The following DOK7 variants were observed in gnomAD, a reference collection of about 807,000 sequenced individuals.
DOK7 encodes docking protein 7.
A neutral mutation model predicts 30.7 loss-of-function variants in DOK7; 32 were observed. The ratio of observed to expected loss-of-function variants is 1.04; its 90% CI spans 0.79 to 1.40. The LOEUF (loss-of-function observed/expected upper bound fraction) is 1.40. Ranked by LOEUF, DOK7 falls within the 40% of genes most tolerant of loss-of-function variation. The pLI, the probability that DOK7 is intolerant of heterozygous loss-of-function variation, is 0.00. For synonymous variants in DOK7, 447 were observed against 324.1 expected, an observed-to-expected ratio of 1.38 and a Z score of -4.07; for missense variants, 1,007 against 699.2, an observed-to-expected ratio of 1.44 and a Z score of -4.97.
At chr4:3,470,239 C>T (rs1191597219) in intron 2 of DOK7, among the ~76,000 whole-genome samples, 3 of 152,218 alleles carry the variant, frequency 2.0e-5, no homozygotes, top group Non-Finnish European at 4.4e-5. Context: ...CCTGTTCTCC[C>T]CCTTACAAGG....
chr4:3,491,174 TTCATTCCTTCCCCCCTGC>T (rs79038877), intron 6 of DOK7, among the ~76,000 whole-genome samples: 12,966 of 57,872 alleles, frequency 0.22, 1,284 homozygotes, highest in Admixed American at 0.25. Context: ...CTCCTGCTCA[TTCATTCCTTCCCCCCTGC>T]TCATTCCTTC....
chr4:3,471,577 C>A (rs1177110796), intron 2 of DOK7, among the ~76,000 whole-genome samples: 1 of 152,266 alleles, frequency 6.6e-6, no homozygotes, highest in African/African-American at 2.4e-5. Context: ...GGCCCTGGGG[C>A]CCCCGTCCTG....
chr4:3,486,050 C>T (rs991064247), intron 5 of DOK7, among the ~76,000 whole-genome samples: 2 of 152,256 alleles, frequency 1.3e-5, no homozygotes, highest in Non-Finnish European at 1.5e-5. Flanking sequence ...CCGGGGGCAG[C>T]TGGTCTGACT....
At chr4:3,483,630 C>T (rs1180369454) in intron 4 of DOK7, among the ~76,000 whole-genome samples, 2 of 152,184 alleles carry the variant, frequency 1.3e-5, no homozygotes, top group African/African-American at 4.8e-5. Flanking sequence ...AATGCGGGGC[C>T]GGCTCCACTC....
At chr4:3,467,314 G>A (rs931130989) in intron 2 of DOK7, among the ~76,000 whole-genome samples, 2 of 110,726 alleles carry the variant, frequency 1.8e-5, no homozygotes, top group African/African-American at 3.4e-5. Context: ...CCGGCTCTCC[G>A]CCCTGGCTGT....
intron 4 of DOK7, chr4:3,485,259 T>G: frequency 2.7e-6 from 1 of 371,680 alleles, no homozygotes; most frequent in East Asian, 4.3e-5. Context: ...GGGGCAGCAC[T>G]CACCCCAGCG....
Position 3,470,676 on chromosome 4 carries a change from C to G in DOK7, c.101-2730C>G, listed in dbSNP as rs367905697. On this transcript the variant is annotated intron_variant, in intron 2 of 6. Coordinates refer to ENST00000340083, the MANE Select transcript of DOK7 (RefSeq NM_173660.5). ...TCTCTGGGCCAAATCCTGCCGGAAC[C>G]TGTTTTTGTAAATAAAGTTTTATTG... Among the ~76,000 whole-genome samples, 4 of 152,214 alleles carry G rather than the reference C, an allele frequency of 2.6e-5. No homozygotes were observed. In the East Asian group the frequency reaches 7.7e-4, roughly 29 times the overall value.
Position 3,476,224 on chromosome 4 carries a change from C to T in DOK7, c.332-118C>T, listed in dbSNP as rs1380430530. 4.3e-3 allele frequency: 3,812 copies of T among 885,534 alleles called. 199 individuals carry two copies. The African/African-American group carries it at 0.065, about 15-fold the overall frequency. The allele number at this position is 885,534 out of a possible 1,614,324, so 54.9% of individuals were successfully genotyped here. On this transcript the variant is annotated intron_variant, in intron 3 of 6. Transcript: ENST00000340083. ...CACCCGCCCATGATGCCCTCTCGCC[C>T]CGCCTGCCCGTGATGCCCTCTCACC... is the stretch of plus-strand genomic sequence containing the variant.
At chr4:3,492,397 G>A (rs1728529035) in intron 6 of DOK7, among the ~76,000 whole-genome samples, 1 of 151,990 alleles carries the variant, frequency 6.6e-6, no homozygotes, top group African/African-American at 2.4e-5. Flanking sequence ...AGGTGGCCCT[G>A]GAAGGTAGTC....
rs1002036200 is a variant in DOK7 at position 3,491,500 on chromosome 4, G to A, written c.773-1259G>A. Among the ~76,000 whole-genome samples the A allele has an allele frequency of 4.8e-5, 4 of 83,392 alleles. No individual in the cohort carries two copies. In the East Asian group the frequency reaches 2.3e-3, roughly 49 times the overall value. The allele number at this position is 83,392 out of a possible 152,430, so 54.7% of individuals were successfully genotyped here. On this transcript the variant is annotated intron_variant, in intron 6 of 6. Coordinates refer to ENST00000340083, the MANE Select transcript of DOK7 (RefSeq NM_173660.5). ...TCATTCATTCTTTCCTTGTCCCTCC[G>A]CTTATTCCTTCCTTCTGTCTGTTCA...
intron 6 of DOK7, among the ~76,000 whole-genome samples, chr4:3,499,489 AGAG>A (rs941606113): frequency 6.6e-5 from 10 of 152,320 alleles, no homozygotes; most frequent in East Asian, 5.8e-4. Flanking sequence ...TCAGGCCTGC[AGAG>A]GAGGGGCCGG....
chr4:3,476,295 T>C (rs1393149307), intron 3 of DOK7, 47 bp from the exon 4 acceptor site: 3 of 971,296 alleles, frequency 3.1e-6, no homozygotes, highest in African/African-American at 2.5e-5. Flanking sequence ...CGTGATGTCC[T>C]CTCACCCTGC....
intron 4 of DOK7, chr4:3,484,583 G>A (rs1436375578): frequency 1.0e-6 from 1 of 985,248 alleles, no homozygotes; most frequent in Non-Finnish European, 1.2e-6. Context: ...CCCTGGCCGG[G>A]AGGGCAGCGC....
At chr4:3,481,114 TGGAGGA>T (rs1020066185) in intron 4 of DOK7, among the ~76,000 whole-genome samples, 3 of 148,340 alleles carry the variant, frequency 2.0e-5, no homozygotes. Flanking sequence ...GGCGTGAGGG[TGGAGGA>T]GGAGGAGGAG....
downstream of DOK7, among the ~76,000 whole-genome samples, chr4:3,494,706 G>A (rs961719688): frequency 2.6e-5 from 4 of 152,240 alleles, no homozygotes; most frequent in African/African-American, 7.2e-5. Context: ...TGTGGTGTGT[G>A]CACGTGTGGC....
chr4:3,471,492 C>T (rs1018320434), intron 2 of DOK7, among the ~76,000 whole-genome samples: 1 of 152,220 alleles, frequency 6.6e-6, no homozygotes, highest in Non-Finnish European at 1.5e-5. Context: ...AGAGGTGGCC[C>T]GGGCCCCTGC....
At chr4:3,496,821 G>C (rs577616504), downstream of DOK7, 13 of 1,535,880 alleles carry the variant, frequency 8.5e-6, no homozygotes, top group Admixed American at 5.9e-5. Flanking sequence ...TTGGTCTAGG[G>C]AGCGGCAGCC....
At chr4:3,468,933 G>A (rs374434047) in intron 2 of DOK7, among the ~76,000 whole-genome samples, 3,748 of 140,424 alleles carry the variant, frequency 0.027, 152 homozygotes, top group African/African-American at 0.11. Context: ...ATGAGTGTGC[G>A]TGCTTTTGTG....
In DOK7 at chr4:3,494,341, G is replaced by A. The variant is rs576902392; in HGVS notation, c.*840G>A. On this transcript the variant is annotated 3_prime_UTR_variant, in exon 7 of 7. Coordinates refer to ENST00000340083, the MANE Select transcript of DOK7 (RefSeq NM_173660.5). ...GGGCCCATTGTCCCCCGCCCTGGGT[G>A]GCTTCCTCTTGCACAGCCTGGAGCC... 2.8e-5 allele frequency: 28 copies of A among 985,652 alleles called. No homozygotes were observed. The South Asian group carries it at 1.2e-3, about 41-fold the overall frequency. 61.1% of individuals were successfully genotyped at this position (985,652 alleles called of 1,614,324 possible). A position where few individuals can be genotyped will look rare whatever the true frequency, so the allele number is the denominator to read the frequency against.
Sources: allele counts gnomAD v4.1 joint callset (sites outside exome capture counted in the v4.1 genomes callset), GRCh38; gene constraint gnomAD v4.1.1; transcripts MANE v1.5; gene names NCBI Gene and HGNC (gene_info 2026-07-23, HGNC 2026-07-21).